TRPC6: variants seen among roughly 807,000 people sequenced by gnomAD.
The protein encoded by TRPC6 is short transient receptor potential channel 6.
A neutral mutation model predicts 90.7 loss-of-function variants in TRPC6; 55 were observed. That is an observed-to-expected ratio of 0.61 (90% confidence interval 0.49 to 0.76). The LOEUF (loss-of-function observed/expected upper bound fraction) is 0.76, where lower values mean the gene tolerates loss of function less well. Among genes scored for constraint, TRPC6 ranks in the 30% least tolerant of loss-of-function variants. The pLI, the probability that TRPC6 is intolerant of heterozygous loss-of-function variation, is 0.00. For missense variants in TRPC6, 989 were observed against 1,122.7 expected, an observed-to-expected ratio of 0.88 and a Z score of 1.70; for synonymous variants, 393 against 393.0, an observed-to-expected ratio of 1.00 and a Z score of 0.00.
chr11:101,498,350 C>T (rs528514800), intron 2 of TRPC6, among the ~76,000 whole-genome samples: 3 of 152,096 alleles, frequency 2.0e-5, no homozygotes, highest in Non-Finnish European at 4.4e-5. Context: ...AATGTTTTCT[C>T]CCATTTTCTT....
intron 1 of TRPC6, among the ~76,000 whole-genome samples, chr11:101,551,592 T>C (rs992762204): frequency 2.0e-5 from 3 of 152,010 alleles, no homozygotes; most frequent in African/African-American, 7.2e-5. Flanking sequence ...GCACATTTTT[T>C]CTGTAGTTCT....
At chr11:101,460,193 T>C (rs917923032) in intron 10 of TRPC6, among the ~76,000 whole-genome samples, 3 of 152,168 alleles carry the variant, frequency 2.0e-5, no homozygotes, top group Non-Finnish European at 4.4e-5. Context: ...TTATACGTAG[T>C]CAACTGTATA....
chr11:101,582,195 T>C (rs1387360303), intron 1 of TRPC6, among the ~76,000 whole-genome samples: 9 of 152,196 alleles, frequency 5.9e-5, no homozygotes. Flanking sequence ...TTCTCCTTTA[T>C]CTTTGAGAAA....
At chr11:101,520,139 G>C (rs994613549) in intron 1 of TRPC6, among the ~76,000 whole-genome samples, 2 of 152,004 alleles carry the variant, frequency 1.3e-5, no homozygotes, top group Non-Finnish European at 2.9e-5. Flanking sequence ...AAGGGGCCTG[G>C]TGGGAGGTGA....
rs1859284252 is a variant in TRPC6, at chr11:101,471,207, G to C, written c.2385C>G (p.Phe795Leu). 11 of 1,613,846 alleles carry C rather than the reference G, an allele frequency of 6.8e-6. No homozygotes were observed. Among genetic ancestry groups the C allele is most frequent in the Non-Finnish European group, 9.3e-6 (11 of 1,179,804 alleles). ...SELFQGHKKG[F>L]QEDAEMNKIN... ...CCTTGTTCATCTCTGCATCTTCCTG[G>C]AAACCTTTTTTATGGCCCTGGAACA... The change falls in exon 9 of 13, where the codon TTC becomes TTG. Residue 795 changes from phenylalanine (F) to leucine (L), a missense_variant. By Grantham distance (22) the Phe-to-Leu change is conservative. Transcript: ENST00000344327.
At chr11:101,499,913 A>G (rs1591090042) in intron 2 of TRPC6, among the ~76,000 whole-genome samples, 1 of 119,008 alleles carries the variant, frequency 8.4e-6, no homozygotes. Context: ...ATATATATAC[A>G]CAGTATAAAA....
intron 2 of TRPC6, among the ~76,000 whole-genome samples, chr11:101,495,746 G>A (rs1421447967): frequency 6.6e-6 from 1 of 151,922 alleles, no homozygotes; most frequent in Non-Finnish European, 1.5e-5. Flanking sequence ...ATCTGCAGGT[G>A]TTGGAAATAA....
intron 4 of TRPC6, among the ~76,000 whole-genome samples, chr11:101,488,242 T>C (rs1859722589): frequency 6.6e-6 from 1 of 152,212 alleles, no homozygotes. Context: ...AACAGAATGA[T>C]AGGTCAATAT....
At chr11:101,467,565 T>G (rs1859177992) in intron 10 of TRPC6, among the ~76,000 whole-genome samples, 1 of 152,220 alleles carries the variant, frequency 6.6e-6, no homozygotes, top group South Asian at 2.1e-4. Flanking sequence ...CACACAGGCA[T>G]GCATTAGAAT....
intron 1 of TRPC6, among the ~76,000 whole-genome samples, chr11:101,505,121 A>G (rs1195944251): frequency 1.3e-5 from 2 of 152,356 alleles, no homozygotes; most frequent in East Asian, 3.9e-4. Flanking sequence ...GTCTATATCC[A>G]TACCCTCTTA....
intron 2 of TRPC6, among the ~76,000 whole-genome samples, chr11:101,494,922 T>A (rs985906479): frequency 3.9e-5 from 6 of 152,220 alleles, no homozygotes; most frequent in African/African-American, 1.2e-4. Context: ...TTTTCATATT[T>A]TCAGTTATTG....
At chr11:101,462,792 C>A (rs1859036527) in intron 10 of TRPC6, among the ~76,000 whole-genome samples, 1 of 152,076 alleles carries the variant, frequency 6.6e-6, no homozygotes, top group Admixed American at 6.6e-5. Context: ...TATTTGAATA[C>A]CCTTTCTTTC....
At chr11:101,456,305 T>TATCA (rs1209850851) in intron 10 of TRPC6, among the ~76,000 whole-genome samples, 9 of 152,294 alleles carry the variant, frequency 5.9e-5, no homozygotes, top group East Asian at 5.8e-4. Flanking sequence ...ACCTAGTTTC[T>TATCA]ATCATTCAAG....
At chr11:101,546,655 A>C (rs548110471) in intron 1 of TRPC6, among the ~76,000 whole-genome samples, 3 of 152,178 alleles carry the variant, frequency 2.0e-5, no homozygotes, top group African/African-American at 7.2e-5. Context: ...AGTTTTAAAC[A>C]TGATGTATAT....
At chr11:101,472,901 T>TATTAACTCTAGC (rs1859325342) in intron 7 of TRPC6, among the ~76,000 whole-genome samples, 1 of 152,112 alleles carries the variant, frequency 6.6e-6, no homozygotes, top group Non-Finnish European at 1.5e-5. Flanking sequence ...GGCTTACATT[T>TATTAACTCTAGC]CAGTTGTTGC....
At position 101,576,972 on chromosome 11, in the gene TRPC6, GT is replaced by G. The variant is rs1862083755; in HGVS notation, c.170+6361del. On this transcript the variant is annotated intron_variant, in intron 1 of 12. Coordinates refer to ENST00000344327, the MANE Select transcript of TRPC6 (RefSeq NM_004621.6). Reference sequence around the variant, plus strand: ...AGTTGATTACTTCAAGCCAGGGGAGGTTTCAACACAAAACAGGTCATTTCCA... The same window carrying G: ...AGTTGATTACTTCAAGCCAGGGGAGGTTCAACACAAAACAGGTCATTTCCA... Among the ~76,000 whole-genome samples the G allele has an allele frequency of 2.6e-5, 4 of 152,212 alleles. No individual in the cohort carries two copies. In the South Asian group the frequency reaches 8.3e-4, roughly 32 times the overall value.
chr11:101,508,646 TA>T (rs1394760873), intron 1 of TRPC6, among the ~76,000 whole-genome samples: 1 of 152,064 alleles, frequency 6.6e-6, no homozygotes, highest in African/African-American at 2.4e-5. Flanking sequence ...GTTCAAAGAT[TA>T]GGGGGAGAGA....
chr11:101,478,145 T>C (rs1324660800), intron 5 of TRPC6, among the ~76,000 whole-genome samples: 1 of 152,210 alleles, frequency 6.6e-6, no homozygotes, highest in African/African-American at 2.4e-5. Flanking sequence ...CAGAGCCCTG[T>C]GGGGATTAAG....
At chr11:101,494,026 G>T (rs567176180) in intron 2 of TRPC6, among the ~76,000 whole-genome samples, 49 of 152,274 alleles carry the variant, frequency 3.2e-4, no homozygotes, top group African/African-American at 1.2e-3. Flanking sequence ...CCTGAGAATG[G>T]CTAGTTGAGA....
Sources: allele counts gnomAD v4.1 joint callset (sites outside exome capture counted in the v4.1 genomes callset), GRCh38; gene constraint gnomAD v4.1.1; transcripts MANE v1.5; gene names NCBI Gene and HGNC (gene_info 2026-07-23, HGNC 2026-07-21).